Variants in CRPPA observed in about 807,000 individuals in gnomAD.
The protein encoded by CRPPA is D-ribitol-5-phosphate cytidylyltransferase.
Under a neutral mutation model 52.0 loss-of-function variants are expected in CRPPA, and 43 were observed. The observed-to-expected ratio is 0.83, with a 90% CI of 0.65 to 1.07. The LOEUF is 1.07. Ranked by LOEUF, CRPPA falls within the 50% of genes least tolerant of loss-of-function variation. The pLI is 0.00. For synonymous variants in CRPPA, 250 were observed against 203.5 expected, an observed-to-expected ratio of 1.23 and a Z score of -1.94; for missense variants, 629 against 551.7, an observed-to-expected ratio of 1.14 and a Z score of -1.40.
chr7:16,118,349 G>A (rs1246813815), intron 9 of CRPPA, among the ~76,000 whole-genome samples: 2 of 152,080 alleles, frequency 1.3e-5, no homozygotes, highest in Non-Finnish European at 2.9e-5. Flanking sequence ...TTGGCCTATG[G>A]GACATACTGT....
At chr7:16,262,013 A>G (rs190035554) in intron 6 of CRPPA, 210 of 152,232 alleles carry the variant, frequency 1.4e-3, no homozygotes, top group African/African-American at 4.6e-3. Flanking sequence ...AGGTTGGACT[A>G]TCCTACGTTT....
rs777762778 is a variant in CRPPA, at chr7:16,158,802, AG to A, written c.1251+57263del. ...TCTTCACCCTTCTCCATAACAGTAA[AG>A]GGTGGTTGAGACATGGCTGCTGGCT... On this transcript the variant is annotated intron_variant, in intron 9 of 9. Transcript: ENST00000407010. Among the ~76,000 whole-genome samples the A allele has an allele frequency of 1.1e-4, 17 of 152,292 alleles. No homozygotes were observed. The South Asian group carries it at 3.1e-3, about 28-fold the overall frequency.
intron 4 of CRPPA, among the ~76,000 whole-genome samples, chr7:16,301,856 T>C (rs1328862679): frequency 6.6e-6 from 1 of 152,164 alleles, no homozygotes; most frequent in African/African-American, 2.4e-5. Flanking sequence ...TGAGTTACAT[T>C]CTTAGCTGAA....
intron 8 of CRPPA, among the ~76,000 whole-genome samples, chr7:16,238,588 T>C (rs540825532): frequency 6.6e-6 from 1 of 151,810 alleles, no homozygotes; most frequent in South Asian, 2.1e-4. Flanking sequence ...AAATTGGACA[T>C]AAAAAAGGAG....
chr7:16,239,636 A>G (rs954233776), intron 8 of CRPPA, among the ~76,000 whole-genome samples: 2 of 151,564 alleles, frequency 1.3e-5, no homozygotes, highest in African/African-American at 4.8e-5. Context: ...TGACCACATA[A>G]ATTGTTCAAA....
chr7:16,178,179 C>T (rs1410881568), intron 9 of CRPPA, among the ~76,000 whole-genome samples: 1 of 151,914 alleles, frequency 6.6e-6, no homozygotes, highest in Non-Finnish European at 1.5e-5. Context: ...GCTGAATTTA[C>T]AGGGGGAGTG....
intron 9 of CRPPA, among the ~76,000 whole-genome samples, chr7:16,161,454 G>A (rs1022868270): frequency 1.3e-5 from 2 of 152,134 alleles, no homozygotes; most frequent in Admixed American, 6.6e-5. Context: ...TGTGGTTTTT[G>A]TCATTGGTTC....
rs531791318 is a variant in CRPPA at position 16,415,312 on chromosome 7, G to A, written c.257+5754C>T. On this transcript the variant is annotated intron_variant, in intron 1 of 9. Coordinates refer to ENST00000407010, the MANE Select transcript of CRPPA (RefSeq NM_001101426.4). ...GAATAGCTACTTTAATATATGGCAT[G>A]TCTGAAAAGCAGAAAACTTCCTTGA... is the stretch of plus-strand genomic sequence containing the variant. 4.6e-5 allele frequency among the ~76,000 whole-genome samples: 7 copies of A among 152,270 alleles called. No individual in the cohort carries two copies. The East Asian group carries it at 1.4e-3, about 29-fold the overall frequency.
intron 8 of CRPPA, among the ~76,000 whole-genome samples, chr7:16,254,960 G>T (rs576586448): frequency 6.6e-6 from 1 of 152,116 alleles, no homozygotes; most frequent in Non-Finnish European, 1.5e-5. Context: ...GCAAGAGAAA[G>T]AAATAAAGGG....
chr7:16,144,924 A>T (rs1782945459), intron 9 of CRPPA, among the ~76,000 whole-genome samples: 1 of 152,322 alleles, frequency 6.6e-6, no homozygotes, highest in East Asian at 1.9e-4. Flanking sequence ...CAGACTCGGC[A>T]GTGATACCTA....
At chr7:16,312,258 G>T (rs934058877) in intron 3 of CRPPA, among the ~76,000 whole-genome samples, 2 of 151,904 alleles carry the variant, frequency 1.3e-5, no homozygotes, top group Admixed American at 6.6e-5. Flanking sequence ...ACAAACATGG[G>T]ACACCTCTCC....
chr7:16,119,159 T>C (rs1352673438), intron 9 of CRPPA, among the ~76,000 whole-genome samples: 1 of 152,124 alleles, frequency 6.6e-6, no homozygotes, highest in Non-Finnish European at 1.5e-5. Context: ...ATTCATCACT[T>C]AACTGCTTGA....
At position 16,089,559 on chromosome 7, in the gene CRPPA, G is replaced by C. The variant is rs1562497259; in HGVS notation, c.*2136C>G. The C allele has an allele frequency of 4.3e-6, 1 of 230,056 alleles. No homozygotes were observed. Among genetic ancestry groups the C allele is most frequent in the South Asian group, 4.5e-5 (1 of 22,086 alleles). 14.3% of individuals were successfully genotyped at this position (230,056 alleles called of 1,614,324 possible). A position where few individuals can be genotyped will look rare whatever the true frequency, so the allele number is the denominator to read the frequency against. On this transcript the variant is annotated 3_prime_UTR_variant, in exon 10 of 10. Transcript: ENST00000407010. ...TACATATATATGTATATACATGTAA[G>C]TATATACATATATATGGGTATACAT...
intron 9 of CRPPA, among the ~76,000 whole-genome samples, chr7:16,169,766 C>T (rs1267280093): frequency 6.6e-6 from 1 of 152,174 alleles, no homozygotes; most frequent in African/African-American, 2.4e-5. Flanking sequence ...TACACCACTT[C>T]TGGACAACTG....
chr7:16,374,828 T>A, intron 3 of CRPPA, among the ~76,000 whole-genome samples: 1 of 152,112 alleles, frequency 6.6e-6, no homozygotes, highest in East Asian at 1.9e-4. Flanking sequence ...GAAAAAAAAA[T>A]CAAACTTAAT....
chr7:16,291,582 G>A (rs1784565440), intron 5 of CRPPA, among the ~76,000 whole-genome samples: 2 of 151,852 alleles, frequency 1.3e-5, no homozygotes, highest in Non-Finnish European at 2.9e-5. Context: ...ACAGAAGCTG[G>A]GAAGTGTAGT....
intron 9 of CRPPA, among the ~76,000 whole-genome samples, chr7:16,157,015 T>G (rs554172640): frequency 1.3e-5 from 2 of 152,300 alleles, no homozygotes; most frequent in South Asian, 2.1e-4. Context: ...TGTTGTTTTT[T>G]GTTTTTTGTT....
intron 3 of CRPPA, among the ~76,000 whole-genome samples, chr7:16,310,352 G>T (rs1329777685): frequency 6.6e-6 from 1 of 152,022 alleles, no homozygotes; most frequent in Non-Finnish European, 1.5e-5. Context: ...ATGCTATAGA[G>T]AAACACACAG....
intron 3 of CRPPA, among the ~76,000 whole-genome samples, chr7:16,352,158 C>G (rs1363526110): frequency 1.3e-5 from 2 of 151,930 alleles, no homozygotes; most frequent in Middle Eastern, 6.8e-3. Flanking sequence ...CAAACTGACA[C>G]AGGAATAGAA....
Sources: allele counts gnomAD v4.1 joint callset (sites outside exome capture counted in the v4.1 genomes callset), GRCh38; gene constraint gnomAD v4.1.1; transcripts MANE v1.5; gene names NCBI Gene and HGNC (gene_info 2026-07-23, HGNC 2026-07-21).